The following CDH19 variants were observed in gnomAD, a reference collection of about 807,000 sequenced individuals.
CDH19 encodes the protein cadherin 19, also known as cadherin-19.
A neutral mutation model predicts 64.2 loss-of-function variants in CDH19; 67 were observed. The ratio of observed to expected loss-of-function variants is 1.04; its 90% CI spans 0.86 to 1.28. The LOEUF (loss-of-function observed/expected upper bound fraction) is 1.28. Ranked by LOEUF, CDH19 falls within the 50% of genes most tolerant of loss-of-function variation. The probability of loss-of-function intolerance (pLI) is 0.00; values close to 1 mark genes in which losing one functional copy is unlikely to be tolerated. For synonymous variants in CDH19, 346 were observed against 319.3 expected, an observed-to-expected ratio of 1.08 and a Z score of -0.89; for missense variants, 1,030 against 929.0, an observed-to-expected ratio of 1.11 and a Z score of -1.41.
In CDH19 at chr18:66,542,684, A is replaced by T. The variant is rs1354966041; in HGVS notation, c.1214+1287T>A. On this transcript the variant is annotated intron_variant, in intron 7 of 11. Coordinates refer to ENST00000262150, the MANE Select transcript of CDH19 (RefSeq NM_021153.4). ...CAAGGCCATGAACAGCAGGCCATGAACCTGTCCATGGCCTGTAGGTGAGGG... is the reference window on the plus strand; with the variant it reads ...CAAGGCCATGAACAGCAGGCCATGATCCTGTCCATGGCCTGTAGGTGAGGG... 2.0e-5 allele frequency among the ~76,000 whole-genome samples: 3 copies of T among 152,096 alleles called. No individual in the cohort carries two copies. The East Asian group carries it at 5.8e-4, about 29-fold the overall frequency.
chr18:66,571,831 C>G (rs752324141), intron 2 of CDH19, among the ~76,000 whole-genome samples, 179 bp downstream of exon 2: 7 of 151,576 alleles, frequency 4.6e-5, no homozygotes, highest in Non-Finnish European at 5.9e-5. Flanking sequence ...TATCCCTCTT[C>G]AAGATTTTAG....
chr18:66,603,600 A>T (rs920848425), intron 1 of CDH19, among the ~76,000 whole-genome samples: 1 of 151,990 alleles, frequency 6.6e-6, no homozygotes, highest in Middle Eastern at 3.2e-3. Flanking sequence ...TAAAACCCTG[A>T]ACAAAGAAAA....
intron 5 of CDH19, among the ~76,000 whole-genome samples, chr18:66,545,140 G>A (rs1027214232): frequency 8.6e-5 from 13 of 151,644 alleles, no homozygotes; most frequent in Non-Finnish European, 1.3e-4. Flanking sequence ...CACCACGCCC[G>A]GCTAATTTTT....
At chr18:66,592,094 A>T (rs1050953850) in intron 1 of CDH19, among the ~76,000 whole-genome samples, 5 of 151,794 alleles carry the variant, frequency 3.3e-5, no homozygotes. Flanking sequence ...CCTTCAGCTA[A>T]CCTCCCATAT....
At chr18:66,519,049 C>T (rs1225622204) in intron 9 of CDH19, among the ~76,000 whole-genome samples, 1 of 152,096 alleles carries the variant, frequency 6.6e-6, no homozygotes, top group African/African-American at 2.4e-5. Flanking sequence ...CTCTATAACA[C>T]ATTTATAGTG....
chr18:66,567,503 T>C (rs1599021942), intron 3 of CDH19, among the ~76,000 whole-genome samples: 1 of 151,874 alleles, frequency 6.6e-6, no homozygotes, highest in African/African-American at 2.4e-5. Flanking sequence ...TCTGCTGTAT[T>C]TAAAGACCTA....
rs764035298 is a variant in CDH19 at position 66,572,069 on chromosome 18, C to T, written c.136G>A (p.Val46Met). ...TCTGGTACAAAAAATTGGTTCCACA[C>T]CCAGCCACGCTTCACTCTCAAATGA... ...RSHLRVKRGWVWNQFFVPEEM... is the reference protein window; with the variant it reads ...RSHLRVKRGWMWNQFFVPEEM... The change falls in exon 2 of 12, where the codon GTG (valine) becomes ATG (methionine). Residue 46 changes from valine (V) to methionine (M), a missense_variant. Transcript: ENST00000262150. The T allele has an allele frequency of 3.7e-6, 6 of 1,611,448 alleles. No homozygotes were observed. Among genetic ancestry groups the T allele is most frequent in the South Asian group, 3.3e-5 (3 of 90,998 alleles).
intron 10 of CDH19, among the ~76,000 whole-genome samples, chr18:66,509,681 C>T (rs1294491688): frequency 6.6e-6 from 1 of 151,498 alleles, no homozygotes; most frequent in Non-Finnish European, 1.5e-5. Context: ...GCTGATTGAG[C>T]TGGCTTTATT....
chr18:66,593,221 A>G (rs1324554732), intron 1 of CDH19, among the ~76,000 whole-genome samples: 1 of 151,898 alleles, frequency 6.6e-6, no homozygotes, highest in Non-Finnish European at 1.5e-5. Context: ...ATTGTTTATA[A>G]TAACAGCAAA....
intron 5 of CDH19, among the ~76,000 whole-genome samples, chr18:66,548,880 A>C (rs1437873672): frequency 6.6e-6 from 1 of 152,204 alleles, no homozygotes; most frequent in Non-Finnish European, 1.5e-5. Flanking sequence ...GATGTGAGAA[A>C]AAACAATAAT....
At chr18:66,546,258 ATATT>A (rs1348465695) in intron 5 of CDH19, among the ~76,000 whole-genome samples, 1 of 152,116 alleles carries the variant, frequency 6.6e-6, no homozygotes, top group Non-Finnish European at 1.5e-5. Flanking sequence ...TTAAGAGCTA[ATATT>A]TTACTACATT....
At chr18:66,581,246 T>C (rs1988413449) in intron 1 of CDH19, among the ~76,000 whole-genome samples, 1 of 152,156 alleles carries the variant, frequency 6.6e-6, no homozygotes. Flanking sequence ...AGTGCACTTA[T>C]ATTAGCACAA....
At chr18:66,589,575 A>C (rs954287685) in intron 1 of CDH19, among the ~76,000 whole-genome samples, 11 of 151,932 alleles carry the variant, frequency 7.2e-5, no homozygotes, top group Non-Finnish European at 1.3e-4. Flanking sequence ...CTTTCAGCAC[A>C]TCTCTCTATA....
At chr18:66,594,828 G>T (rs1427821385) in intron 1 of CDH19, among the ~76,000 whole-genome samples, 1 of 132,824 alleles carries the variant, frequency 7.5e-6, no homozygotes, top group East Asian at 2.3e-4. Context: ...ACACAGGAAG[G>T]GGAACATCAC....
Position 66,504,924 on chromosome 18 carries a change from A to G in CDH19, c.2207T>C (p.Leu736Ser), listed in dbSNP as rs1472316547. 5.0e-6 allele frequency: 8 copies of G among 1,613,346 alleles called. No homozygotes were observed. Among genetic ancestry groups the G allele is most frequent in the Admixed American group, 1.7e-5 (1 of 59,840 alleles). ...ATCCTGATCAGAGACTGCTGATTCT[A>G]AGGAGCTCAGGGATCCAGCTAATGA... Reference protein sequence around the residue: ...TGSLAGSLSSLESAVSDQDES... With the variant: ...TGSLAGSLSSSESAVSDQDES... Residue 736 changes from leucine to serine, a missense_variant, in exon 12 of 12, where the codon TTA becomes TCA. Coordinates refer to ENST00000262150, the MANE Select transcript of CDH19 (RefSeq NM_021153.4).
chr18:66,582,639 CAAAAAAAAAA>C (rs11410904), intron 1 of CDH19, among the ~76,000 whole-genome samples: 1 of 72,896 alleles, frequency 1.4e-5, no homozygotes, highest in East Asian at 4.7e-4. Context: ...TTACTGTCAC[CAAAAAAAAAA>C]AAAAAAAAAA....
At chr18:66,597,813 T>G (rs1461190773) in intron 1 of CDH19, among the ~76,000 whole-genome samples, 1 of 151,970 alleles carries the variant, frequency 6.6e-6, no homozygotes, top group Non-Finnish European at 1.5e-5. Flanking sequence ...AAAGAAGACA[T>G]GCACACAGCC....
chr18:66,530,737 G>T (rs1986410678), intron 8 of CDH19, among the ~76,000 whole-genome samples: 1 of 152,108 alleles, frequency 6.6e-6, no homozygotes, highest in African/African-American at 2.4e-5. Flanking sequence ...CTTTCTCACT[G>T]CTGTCACTAT....
intron 3 of CDH19, among the ~76,000 whole-genome samples, chr18:66,554,926 A>G (rs1677359527): frequency 6.6e-6 from 1 of 151,858 alleles, no homozygotes; most frequent in Admixed American, 6.6e-5. Flanking sequence ...TGTACCTTAA[A>G]CAAAGTGGAG....
Sources: allele counts gnomAD v4.1 joint callset (sites outside exome capture counted in the v4.1 genomes callset), GRCh38; gene constraint gnomAD v4.1.1; transcripts MANE v1.5; gene names NCBI Gene and HGNC (gene_info 2026-07-23, HGNC 2026-07-21).